RIPK3: variants seen among roughly 807,000 people sequenced by gnomAD.
RIPK3 encodes receptor interacting serine/threonine kinase 3.
A neutral mutation model predicts 51.6 loss-of-function variants in RIPK3; 51 were observed. The ratio of observed to expected loss-of-function variants is 0.99; its 90% CI spans 0.79 to 1.25. The LOEUF is 1.25. RIPK3 is among the 50% of genes most tolerant of loss of function. The probability of loss-of-function intolerance (pLI) is 0.00; values close to 1 mark genes in which losing one functional copy is unlikely to be tolerated. For synonymous variants in RIPK3, 246 were observed against 257.7 expected, an observed-to-expected ratio of 0.95 and a Z score of 0.44; for missense variants, 654 against 650.4, an observed-to-expected ratio of 1.01 and a Z score of -0.06.
At chr14:24,338,762 G>T in intron 3 of RIPK3, 195 bp from the exon 4 acceptor site, 1 of 798,620 alleles carries the variant, frequency 1.3e-6, no homozygotes, top group Non-Finnish European at 1.9e-6. Context: ...TCCAGGGCTG[G>T]GTCAGCCATG....
At chr14:24,338,945 G>A (rs570018290) in intron 3 of RIPK3, 70 bp downstream of exon 3, 2 of 1,248,546 alleles carry the variant, frequency 1.6e-6, no homozygotes, top group East Asian at 4.7e-5. Context: ...GAGGTCTAGT[G>A]TCCGGCGGGC....
At position 24,339,421 on chromosome 14, in the gene RIPK3, GC is replaced by G. The variant is rs1204848075; in HGVS notation, c.161+35del. The G allele has an allele frequency of 2.5e-6, 4 of 1,613,660 alleles. No homozygotes were observed. Among genetic ancestry groups the G allele is most frequent in the Non-Finnish European group, 3.4e-6 (4 of 1,179,794 alleles). ...AGAGCACAGTGGCTCCACCTTTTTGGCCAGATTGCGGCTGGGGTCAACCGGG... is the reference window on the plus strand; with the variant it reads ...AGAGCACAGTGGCTCCACCTTTTTGGCAGATTGCGGCTGGGGTCAACCGGG... On this transcript the variant is annotated intron_variant, in intron 2 of 9. Coordinates refer to ENST00000216274, the MANE Select transcript of RIPK3 (RefSeq NM_006871.4). This position sits in a 1 kb window ranked among gnomAD's most constrained non-coding sequence, Gnocchi z 4.0.
Position 24,336,055 on chromosome 14 carries a change from G to A in RIPK3, c.*120C>T, listed in dbSNP as rs540566112. 2.6e-5 allele frequency: 25 copies of A among 980,124 alleles called. No individual in the cohort carries two copies. In the African/African-American group the frequency reaches 3.8e-4, roughly 15 times the overall value. The allele number at this position is 980,124 out of a possible 1,614,324, so 60.7% of individuals were successfully genotyped here. A position where few individuals can be genotyped will look rare whatever the true frequency, so the allele number is the denominator to read the frequency against. On this transcript the variant is annotated 3_prime_UTR_variant, in exon 10 of 10. Coordinates refer to ENST00000216274, the MANE Select transcript of RIPK3 (RefSeq NM_006871.4). Reference sequence around the variant, plus strand: ...TTCCATCATGTTTATTGACTCCTGGGGGACAGGTCACAAAGTCAGTTTGTG... The same window carrying A: ...TTCCATCATGTTTATTGACTCCTGGAGGACAGGTCACAAAGTCAGTTTGTG...
rs369895890 is a variant in RIPK3, at chr14:24,339,275, A to G, written c.211T>C (p.Phe71Leu). ...VKAMASLDNE[F>L]VLRLEGVIEK... Reference sequence around the variant, plus strand: ...ATAACCCCTTCTAGGCGCAGCACGAATTCGTTATCCAGACTTGCCATGGCC... The same window carrying G: ...ATAACCCCTTCTAGGCGCAGCACGAGTTCGTTATCCAGACTTGCCATGGCC... The change falls in exon 3 of 10, where the codon TTC becomes CTC. Residue 71 changes from phenylalanine (F) to leucine (L), a missense_variant. Coordinates refer to ENST00000216274, the MANE Select transcript of RIPK3 (RefSeq NM_006871.4). The surrounding 1 kb of genome is among the most constrained non-coding windows in gnomAD (Gnocchi z 4.0). 5.6e-6 allele frequency: 9 copies of G among 1,613,776 alleles called. No homozygotes were observed. The highest frequency in any genetic ancestry group is 6.8e-6 in the Non-Finnish European group (8 of 1,179,798).
Position 24,336,908 on chromosome 14 carries a change from G to T in RIPK3, c.1313C>A (p.Thr438Asn), listed in dbSNP as rs772929870. The T allele has an allele frequency of 1.9e-6, 3 of 1,614,170 alleles. No homozygotes were observed. Among genetic ancestry groups the T allele is most frequent in the Admixed American group, 1.7e-5 (1 of 60,020 alleles). The change falls in exon 9 of 10, where the codon ACC (threonine) becomes AAC (asparagine). Residue 438 changes from threonine (T) to asparagine (N), a missense_variant. Physicochemically the swap from Thr to Asn is moderately conservative, Grantham distance 65. Coordinates refer to ENST00000216274, the MANE Select transcript of RIPK3 (RefSeq NM_006871.4). Reference protein sequence around the residue: ...ERQGMNWSCRTPEPNPVTGRP... With the variant: ...ERQGMNWSCRNPEPNPVTGRP... ...ACCTGTTACTGGATTTGGCTCCGGG[G>T]TCCTGCAGGACCAGTTCATGCCTTG...
Position 24,336,206 on chromosome 14 carries a change from G to T in RIPK3, c.1526C>A (p.Pro509Gln), listed in dbSNP as rs1259745866. 6.2e-7 allele frequency: 1 copy of T among 1,613,832 alleles called. No homozygotes were observed. The highest frequency in any genetic ancestry group is 1.3e-5 in the African/African-American group (1 of 74,906). Reference sequence around the variant, plus strand: ...CCCGCTATGATTATACCAACCCTGTGGCCTGCTCCAGGCTTCAGGATCTTT... The same window carrying T: ...CCCGCTATGATTATACCAACCCTGTTGCCTGCTCCAGGCTTCAGGATCTTT... ...GPKDPEAWSR[P>Q]QGWYNHSGK The change falls in exon 10 of 10, where the codon CCA (proline) becomes CAA (glutamine). Residue 509 changes from proline (P) to glutamine (Q), a missense_variant. Transcript: ENST00000216274.
chr14:24,339,657 C>A lies in RIPK3; in HGVS notation c.21-60G>T, dbSNP rs2042171156. ...CCGTGCCTCAGCGCTGCTCCCCGCG[C>A]CCCTGTGACTCGGCGTTCTCACTGC... On this transcript the variant is annotated intron_variant, in intron 1 of 9. Coordinates refer to ENST00000216274, the MANE Select transcript of RIPK3 (RefSeq NM_006871.4). This position sits in a 1 kb window ranked among gnomAD's most constrained non-coding sequence, Gnocchi z 4.0. 17 of 1,606,562 alleles carry A rather than the reference C, an allele frequency of 1.1e-5. No homozygotes were observed. The South Asian group carries it at 1.7e-4, about 16-fold the overall frequency.
chr14:24,337,399 C>T lies in RIPK3; in HGVS notation c.962G>A (p.Gly321Asp). The T allele has an allele frequency of 6.2e-7, 1 of 1,613,954 alleles. No individual in the cohort carries two copies. The highest frequency in any genetic ancestry group is 8.5e-7 in the Non-Finnish European group (1 of 1,179,918). ...GCCATCCATTTCTGTCCCTCCTTGG[C>T]CTGACTCTGGGATAGAAAATCTCCT... ...SNRRFSIPES[G>D]QGGTEMDGFR... Residue 321 changes from glycine (G) to aspartate (D), a missense_variant, in exon 8 of 10, where the codon GGC (glycine) becomes GAC (aspartate). Transcript: ENST00000216274.
rs1290355981 is a variant in RIPK3, at chr14:24,339,533, T to G, written c.85A>C (p.Lys29Gln). ...CGGAACACTGTGCCGAACCCGCCTT[T>G]GCCGACGAGCTCCTGGTTCTCCAGT... ...EELENQELVG[K>Q]GGFGTVFRAQ... The change falls in exon 2 of 10, where the codon AAA (lysine) becomes CAA (glutamine). Residue 29 changes from lysine to glutamine, a missense_variant. Lys to Gln is a moderately conservative substitution (Grantham distance 53, BLOSUM62 1). Coordinates refer to ENST00000216274, the MANE Select transcript of RIPK3 (RefSeq NM_006871.4). This position sits in a 1 kb window ranked among gnomAD's most constrained non-coding sequence, Gnocchi z 4.0. 3 of 1,614,088 alleles carry G rather than the reference T, an allele frequency of 1.9e-6. No individual in the cohort carries two copies. In the African/African-American group the frequency reaches 4.0e-5, roughly 22 times the overall value.
rs745350711 is a variant in RIPK3, at chr14:24,336,268, C to A, written c.1464G>T (p.Leu488Phe). ...GLAPSGKGRG[L>F]QHPPPVGSQE... ...GCGAACCTACTGGTGGGGGGTGCTG[C>A]AAGCCCCTCCCCTTGCCCGAAGGTG... The change falls in exon 10 of 10, where the codon TTG becomes TTT. Residue 488 changes from leucine (L) to phenylalanine (F), a missense_variant. Coordinates refer to ENST00000216274, the MANE Select transcript of RIPK3 (RefSeq NM_006871.4). 1 of 1,614,072 alleles carries A rather than the reference C, an allele frequency of 6.2e-7. No individual in the cohort carries two copies. The highest frequency in any genetic ancestry group is 8.5e-7 in the Non-Finnish European group (1 of 1,180,018).
rs1245347569 is a variant in RIPK3 at position 24,337,222 on chromosome 14, G to A, written c.1139C>T (p.Pro380Leu). 3.1e-6 allele frequency: 5 copies of A among 1,613,840 alleles called. No individual in the cohort carries two copies. Among genetic ancestry groups the A allele is most frequent in the Admixed American group, 1.7e-5 (1 of 60,000 alleles). Residue 380 changes from proline to leucine, a missense_variant, in exon 8 of 10, where the codon CCA becomes CTA. By Grantham distance (98) the Pro-to-Leu change is moderately conservative (BLOSUM62 -3). Coordinates refer to ENST00000216274, the MANE Select transcript of RIPK3 (RefSeq NM_006871.4). ...KRSRAQEEQV[P>L]QAWTAGTSSD... The stretch of plus-strand genomic sequence containing the variant: ...AGATGTGCCTGCTGTCCAGGCTTGT[G>A]GAACCTGCTCCTCTTGTGCCCTGCT...
At position 24,336,912 on chromosome 14, in the gene RIPK3, T is replaced by C; in HGVS notation, c.1309A>G (p.Arg437Gly). The C allele has an allele frequency of 6.2e-7, 1 of 1,614,210 alleles. No individual in the cohort carries two copies. Among genetic ancestry groups the C allele is most frequent in the Non-Finnish European group, 8.5e-7 (1 of 1,180,026 alleles). Residue 437 changes from arginine to glycine, a missense_variant, in exon 9 of 10, where the codon AGG (arginine) becomes GGG (glycine). Physicochemically the swap from Arg to Gly is moderately radical, Grantham distance 125 (BLOSUM62 -2). Transcript: ENST00000216274. The stretch of plus-strand genomic sequence containing the variant: ...GTTACTGGATTTGGCTCCGGGGTCC[T>C]GCAGGACCAGTTCATGCCTTGTCTC... ...AERQGMNWSCRTPEPNPVTGR... is the reference protein window; with the variant it reads ...AERQGMNWSCGTPEPNPVTGR...
chr14:24,337,819 C>G, intron 6 of RIPK3, 54 bp downstream of exon 6: 1 of 1,612,700 alleles, frequency 6.2e-7, no homozygotes, highest in Non-Finnish European at 8.5e-7. Context: ...CTGAGAAAAG[C>G]CCCCTGCTGA....
At chr14:24,337,595 G>A (rs562904093) in intron 7 of RIPK3, 100 bp downstream of exon 7, 57 of 1,544,368 alleles carry the variant, frequency 3.7e-5, no homozygotes, top group South Asian at 3.7e-4. Flanking sequence ...AAAGGTCAAG[G>A]CATAAAAAGC....
rs760867248 is a variant in RIPK3 at position 24,338,571 on chromosome 14, C to G, written c.472-4G>C. 9 of 1,592,976 alleles carry G rather than the reference C, an allele frequency of 5.6e-6. No homozygotes were observed. In the Admixed American group the frequency reaches 1.5e-4, roughly 27 times the overall value. On this transcript the variant is annotated splice_region_variant and splice_polypyrimidine_tract_variant and intron_variant, in intron 3 of 9. Coordinates refer to ENST00000216274, the MANE Select transcript of RIPK3 (RefSeq NM_006871.4). ...TGGACAGGCCAAAATCTGCCAGCTG[C>G]AAAGGAAGGAAAGAAGTGGGAGGTA...
chr14:24,336,408 TA>T lies in RIPK3; in HGVS notation c.1337-14del, dbSNP rs761292076. ...ACGAGCGGTCGCCCTTTAAGAGAAA[TA>T]GTGATGGTGGCAGGAGGGTTTAGCT... On this transcript the variant is annotated splice_polypyrimidine_tract_variant and intron_variant, in intron 9 of 9. Transcript: ENST00000216274. The T allele has an allele frequency of 6.2e-7, 1 of 1,609,726 alleles. No homozygotes were observed. The highest frequency in any genetic ancestry group is 1.3e-5 in the African/African-American group (1 of 74,946).
In RIPK3 at chr14:24,336,176, T is replaced by C. The variant is rs2042131706; in HGVS notation, c.1556A>G (p.Ter519=). The stretch of plus-strand genomic sequence containing the variant: ...TTGGAGGCAAGCTTGGAAGGTGCTT[T>C]ATTTCCCGCTATGATTATACCAACC... ...PQGWYNHSGK[*] is the part of the protein sequence containing the mutation. Residue 519 remains the stop codon, a stop_retained_variant, in exon 10 of 10, where the codon TAA becomes TGA. Coordinates refer to ENST00000216274, the MANE Select transcript of RIPK3 (RefSeq NM_006871.4). The C allele has an allele frequency of 6.2e-7, 1 of 1,610,976 alleles. No homozygotes were observed. Among genetic ancestry groups the C allele is most frequent in the Non-Finnish European group, 8.5e-7 (1 of 1,178,442 alleles).
intron 3 of RIPK3, 136 bp from the exon 4 acceptor site, chr14:24,338,703 G>T: frequency 1.6e-6 from 2 of 1,243,244 alleles, no homozygotes; most frequent in Non-Finnish European, 2.2e-6. Flanking sequence ...GGTTCCCTTG[G>T]ATGGTAGATC....
At chr14:24,338,155 C>G in intron 5 of RIPK3, 94 bp downstream of exon 5, 1 of 1,568,560 alleles carries the variant, frequency 6.4e-7, no homozygotes, top group African/African-American at 1.3e-5. Context: ...GGGAGGAGGG[C>G]AGTCTAAGTA....
Sources: gnomAD v4.1 joint callset for allele counts on GRCh38, gnomAD v4.1.1 for gene constraint, Gnocchi (gnomAD v3.1) non-coding constraint, MANE v1.5 for transcripts, NCBI Gene and HGNC (gene_info 2026-07-23, HGNC 2026-07-21) for gene names.